Variants in TMX4 observed in about 807,000 individuals in gnomAD.
TMX4 encodes thioredoxin-related transmembrane protein 4.
TMX4 carries 23 observed loss-of-function variants against 33.3 expected under a neutral mutation model. That is an observed-to-expected ratio of 0.69 (90% CI 0.50 to 0.98). TMX4 has a LOEUF of 0.98. TMX4 is among the 50% of genes least tolerant of loss of function. TMX4 has a pLI of 0.00. For missense variants in TMX4, 399 were observed against 448.9 expected (o/e 0.89, Z 1.01); for synonymous variants, 164 against 161.5 (o/e 1.02, Z -0.12).
At chr20:8,003,998 T>C (rs1017383089) in intron 2 of TMX4, among the ~76,000 whole-genome samples, 2 of 152,020 alleles carry the variant, frequency 1.3e-5, no homozygotes, top group Non-Finnish European at 2.9e-5. Flanking sequence ...TCTGGAATAA[T>C]ATTCTGTCAT....
intron 4 of TMX4, among the ~76,000 whole-genome samples, chr20:7,998,832 A>G (rs907807250): frequency 2.0e-5 from 3 of 152,158 alleles, no homozygotes; most frequent in Non-Finnish European, 4.4e-5. Flanking sequence ...CCCTCCATCT[A>G]GAAGAGCAGG....
intron 2 of TMX4, among the ~76,000 whole-genome samples, chr20:8,005,955 G>A (rs1296259370): frequency 2.0e-5 from 3 of 152,154 alleles, no homozygotes; most frequent in South Asian, 2.1e-4. Context: ...CATGTGATCC[G>A]ATTCTTCTGG....
intron 1 of TMX4, among the ~76,000 whole-genome samples, chr20:8,018,636 TCAA>T (rs2050794526): frequency 6.6e-6 from 1 of 152,056 alleles, no homozygotes; most frequent in African/African-American, 2.4e-5. Context: ...TAAACTATAA[TCAA>T]CAAATCCCTT....
At chr20:8,019,232 G>T in intron 1 of TMX4, 1 of 582,738 alleles carries the variant, frequency 1.7e-6, no homozygotes, top group Non-Finnish European at 2.8e-6. Context: ...CGTTGGTAAG[G>T]CGGGTCCGCG....
intron 5 of TMX4, among the ~76,000 whole-genome samples, chr20:7,988,052 T>C (rs2050638160): frequency 6.6e-6 from 1 of 152,218 alleles, no homozygotes; most frequent in Non-Finnish European, 1.5e-5. Context: ...TGAAGGGACA[T>C]AATCACAGCT....
At chr20:8,017,055 A>G (rs1215507184) in intron 1 of TMX4, among the ~76,000 whole-genome samples, 1 of 152,160 alleles carries the variant, frequency 6.6e-6, no homozygotes, top group African/African-American at 2.4e-5. Flanking sequence ...GCAGGCCTCT[A>G]GTGGTATGGA....
chr20:7,999,205 T>G (rs2050691374), intron 4 of TMX4, among the ~76,000 whole-genome samples: 1 of 152,186 alleles, frequency 6.6e-6, no homozygotes. Context: ...AAACCAACTG[T>G]GGAAAAAGCT....
intron 1 of TMX4, among the ~76,000 whole-genome samples, chr20:8,018,027 T>C (rs931136078): frequency 6.6e-6 from 1 of 151,958 alleles, no homozygotes; most frequent in Non-Finnish European, 1.5e-5. Flanking sequence ...CTTCGAGCAA[T>C]GTAATCTGCT....
rs559415619 is a variant in TMX4 at position 7,977,860 on chromosome 20, T to A, written c.*4391A>T. On this transcript the variant is annotated 3_prime_UTR_variant, in exon 8 of 8. Coordinates refer to ENST00000246024, the MANE Select transcript of TMX4 (RefSeq NM_021156.4). ...TACAGTGTCACAGTCTACATAAAGC[T>A]TTACTGAGAATAAGCCATCTGAAGG... 1 of 152,196 alleles carries A rather than the reference T, an allele frequency of 6.6e-6. No individual in the cohort carries two copies. Among genetic ancestry groups the A allele is most frequent in the East Asian group, 1.9e-4 (1 of 5,200 alleles). 9.4% of individuals were successfully genotyped at this position (152,196 alleles called of 1,614,324 possible). A position where few individuals can be genotyped will look rare whatever the true frequency, so the allele number is the denominator to read the frequency against.
chr20:7,994,116 C>T (rs1485649544), intron 5 of TMX4, among the ~76,000 whole-genome samples: 1 of 151,898 alleles, frequency 6.6e-6, no homozygotes, highest in Middle Eastern at 3.4e-3. Context: ...TTGCATTCTA[C>T]ATTTTACAAT....
intron 6 of TMX4, 65 bp downstream of exon 6, chr20:7,987,223 C>T (rs1249600126): frequency 9.0e-6 from 10 of 1,113,814 alleles, no homozygotes; most frequent in Middle Eastern, 2.0e-4. Context: ...TTCTTGGCTG[C>T]CTTTTATTTG....
intron 6 of TMX4, among the ~76,000 whole-genome samples, chr20:7,985,105 T>C (rs2050624990): frequency 6.6e-6 from 1 of 152,022 alleles, no homozygotes; most frequent in Non-Finnish European, 1.5e-5. Flanking sequence ...CTGTTTCAAA[T>C]TGTGTAACTC....
chr20:8,003,248 C>G (rs2050714694), intron 2 of TMX4, among the ~76,000 whole-genome samples: 1 of 152,110 alleles, frequency 6.6e-6, no homozygotes, highest in South Asian at 2.1e-4. Flanking sequence ...AAAATTTTAT[C>G]TAAAGACAGT....
At chr20:7,995,013 C>A (rs116381976) in intron 5 of TMX4, among the ~76,000 whole-genome samples, 1,640 of 152,182 alleles carry the variant, frequency 0.011, 19 homozygotes, top group Middle Eastern at 0.027. Context: ...GTCTTCAATT[C>A]GCCTCTGTTG....
chr20:8,006,595 C>T (rs2050731568), intron 2 of TMX4, among the ~76,000 whole-genome samples: 1 of 152,060 alleles, frequency 6.6e-6, no homozygotes, highest in African/African-American at 2.4e-5. Flanking sequence ...AATAAATAAA[C>T]TGCTTCCAAG....
At chr20:8,011,345 A>G (rs949175067) in intron 1 of TMX4, among the ~76,000 whole-genome samples, 3 of 152,068 alleles carry the variant, frequency 2.0e-5, no homozygotes, top group Admixed American at 6.5e-5. Flanking sequence ...AAGGGAAACA[A>G]AGTAAGGGGA....
chr20:8,011,279 T>C (rs1600147813), intron 1 of TMX4, among the ~76,000 whole-genome samples: 1 of 151,634 alleles, frequency 6.6e-6, no homozygotes, highest in Non-Finnish European at 1.5e-5. Flanking sequence ...GAAAGAGAAG[T>C]AGAAAAGAAT....
chr20:7,984,002 T>C (rs1038712802), intron 6 of TMX4, 145 bp from the exon 7 acceptor site: 16 of 597,512 alleles, frequency 2.7e-5, no homozygotes, highest in Admixed American at 6.3e-5. Flanking sequence ...GACAAGGATA[T>C]AATTAAGAAT....
At chr20:7,993,106 C>A (rs946612150) in intron 5 of TMX4, among the ~76,000 whole-genome samples, 1 of 152,174 alleles carries the variant, frequency 6.6e-6, no homozygotes, top group African/African-American at 2.4e-5. Context: ...AGACTGATTT[C>A]TATCTGTACA....
Sources: gnomAD v4.1 joint callset for allele counts (sites outside exome capture counted in the v4.1 genomes callset) on GRCh38, gnomAD v4.1.1 for gene constraint, MANE v1.5 for transcripts, NCBI Gene and HGNC (gene_info 2026-07-23, HGNC 2026-07-21) for gene names.